Variants in GFI1B observed in about 807,000 individuals in gnomAD.
GFI1B encodes the protein zinc finger protein Gfi-1b.
A neutral mutation model predicts 35.3 loss-of-function variants in GFI1B; 20 were observed. The observed-to-expected ratio is 0.57, with a 90% CI of 0.40 to 0.82. The LOEUF (loss-of-function observed/expected upper bound fraction) is 0.82, where lower values mean the gene tolerates loss of function less well. Ranked by LOEUF, GFI1B falls within the 40% of genes least tolerant of loss-of-function variation. GFI1B has a pLI of 0.00. For missense variants in GFI1B, 430 were observed against 446.3 expected, an observed-to-expected ratio of 0.96 and a Z score of 0.33; for synonymous variants, 178 against 177.6, an observed-to-expected ratio of 1.00 and a Z score of -0.02.
At chr9:132,960,342 G>A (rs1028793020) in intron 1 of GFI1B, among the ~76,000 whole-genome samples, 5 of 152,176 alleles carry the variant, frequency 3.3e-5, no homozygotes, top group African/African-American at 1.2e-4. Flanking sequence ...GGCAAGAAAA[G>A]TCATGTATGA....
chr9:132,983,137 T>C (rs1363592872), intron 1 of GFI1B, among the ~76,000 whole-genome samples: 1 of 151,878 alleles, frequency 6.6e-6, no homozygotes, highest in Non-Finnish European at 1.5e-5. Context: ...CATGTGGGTC[T>C]TTTAGGAGCC....
upstream of GFI1B, among the ~76,000 whole-genome samples, chr9:132,974,461 G>A (rs1848589477): frequency 6.6e-6 from 1 of 151,922 alleles, no homozygotes; most frequent in Non-Finnish European, 1.5e-5. Flanking sequence ...AATTAGCCAG[G>A]CTTGGTGGCG....
intron 1 of GFI1B, among the ~76,000 whole-genome samples, chr9:132,986,082 C>T (rs547306863): frequency 2.6e-5 from 4 of 152,234 alleles, no homozygotes; most frequent in South Asian, 2.1e-4. Context: ...TTGTAGCTGC[C>T]GTAACAAAAT....
chr9:132,988,365 G>T lies in GFI1B; in HGVS notation c.407G>T (p.Ser136Ile), dbSNP rs1849159090. 1 of 1,614,142 alleles carries T rather than the reference G, an allele frequency of 6.2e-7. No individual in the cohort carries two copies. The highest frequency in any genetic ancestry group is 8.5e-7 in the Non-Finnish European group (1 of 1,179,990). The stretch of plus-strand genomic sequence containing the variant: ...TCAGCCTTCCTGGAGCACTCCGTCA[G>T]CCTGTACGGCAGTCCTCTTGTGCCC... ...MQSAFLEHSV[S>I]LYGSPLVPST... The change falls in exon 4 of 7, where the codon AGC becomes ATC. Residue 136 changes from serine (S) to isoleucine (I), a missense_variant. Ser to Ile is a moderately radical substitution (Grantham distance 142, BLOSUM62 -2). Coordinates refer to ENST00000372122, the MANE Select transcript of GFI1B (RefSeq NM_001377304.1).
At position 132,990,902 on chromosome 9, in the gene GFI1B, G is replaced by T. The variant is rs753669252; in HGVS notation, c.845G>T (p.Gly282Val). Residue 282 changes from glycine to valine, a missense_variant, in exon 7 of 7, where the codon GGA becomes GTA. Physicochemically the swap from Gly to Val is moderately radical, Grantham distance 109. Coordinates refer to ENST00000372122, the MANE Select transcript of GFI1B (RefSeq NM_001377304.1). ...GEKPHKCQVC[G>V]KAFSQSSNLI... The stretch of plus-strand genomic sequence containing the variant: ...AAGCCGCACAAGTGCCAGGTGTGCG[G>T]AAAGGCCTTCAGCCAGAGCTCCAAC... The T allele has an allele frequency of 6.2e-7, 1 of 1,614,096 alleles. No homozygotes were observed. Among genetic ancestry groups the T allele is most frequent in the African/African-American group, 1.3e-5 (1 of 74,956 alleles).
intron 6 of GFI1B, 78 bp from the exon 7 acceptor site, chr9:132,990,794 G>T: frequency 9.8e-6 from 13 of 1,331,934 alleles, no homozygotes; most frequent in South Asian, 1.2e-5. Context: ...ATGAACCCGG[G>T]GGCAGGGCAG....
At chr9:132,947,297 A>G (rs931758624) in intron 1 of GFI1B, 44 of 152,118 alleles carry the variant, frequency 2.9e-4, no homozygotes, top group African/African-American at 1.0e-3. Context: ...TCACAATCAC[A>G]GTACCAGCCC....
At chr9:132,975,777 C>A (rs1474730912), upstream of GFI1B, among the ~76,000 whole-genome samples, 2 of 152,194 alleles carry the variant, frequency 1.3e-5, no homozygotes, top group Non-Finnish European at 2.9e-5. Context: ...CATGGGAATG[C>A]GGAAGCGATT....
At chr9:132,957,759 A>G (rs957480889) in intron 1 of GFI1B, among the ~76,000 whole-genome samples, 1 of 151,984 alleles carries the variant, frequency 6.6e-6, no homozygotes, top group Non-Finnish European at 1.5e-5. Flanking sequence ...GAAAGCAGGA[A>G]CACGTGTAAT....
chr9:132,957,809 A>C (rs138837658), intron 1 of GFI1B, among the ~76,000 whole-genome samples: 35 of 152,350 alleles, frequency 2.3e-4, no homozygotes, highest in Admixed American at 3.3e-4. Flanking sequence ...CTGAGAAGCA[A>C]CTAGCATGGC....
intron 1 of GFI1B, among the ~76,000 whole-genome samples, chr9:132,971,628 AAG>A (rs1491159227): frequency 6.6e-6 from 1 of 152,200 alleles, no homozygotes; most frequent in Non-Finnish European, 1.5e-5. Context: ...AAAAGAGGGC[AAG>A]AGAGACAGAA....
chr9:132,967,123 C>G (rs1193190752), intron 1 of GFI1B, among the ~76,000 whole-genome samples: 3 of 152,084 alleles, frequency 2.0e-5, no homozygotes, highest in Non-Finnish European at 2.9e-5. Flanking sequence ...AAGTTCAGCC[C>G]CCACCTGTAC....
chr9:132,965,630 G>A (rs973290524), intron 1 of GFI1B, among the ~76,000 whole-genome samples: 1 of 152,184 alleles, frequency 6.6e-6, no homozygotes, highest in South Asian at 2.1e-4. Flanking sequence ...GGAGTGGGAG[G>A]CCCCATGAAG....
At chr9:132,957,887 G>A (rs912839003) in intron 1 of GFI1B, among the ~76,000 whole-genome samples, 2 of 152,176 alleles carry the variant, frequency 1.3e-5, no homozygotes, top group African/African-American at 2.4e-5. Context: ...AACATGCATT[G>A]AGTACCGAAC....
chr9:132,949,347 A>G (rs886518355), intron 1 of GFI1B, among the ~76,000 whole-genome samples: 4 of 151,708 alleles, frequency 2.6e-5, no homozygotes, highest in African/African-American at 9.7e-5. Flanking sequence ...ACACATACAC[A>G]CACACACACA....
intron 1 of GFI1B, among the ~76,000 whole-genome samples, chr9:132,983,751 C>T (rs1022232161): frequency 6.6e-6 from 1 of 152,230 alleles, no homozygotes; most frequent in South Asian, 2.1e-4. Flanking sequence ...CCTAGCACGT[C>T]GGCTCCACTC....
rs1848532051 is a variant in GFI1B, at chr9:132,971,551, T to C, written c.-700-1174T>C. ...AAAGCAAAGGGTCAATGTGGATTAA[T>C]TTGAATTGAAAACATTATAAACACA... On this transcript the variant is annotated intron_variant, in intron 1 of 10. Transcript: ENST00000339463. Among the ~76,000 whole-genome samples the C allele has an allele frequency of 4.6e-5, 7 of 152,072 alleles. No homozygotes were observed. In the South Asian group the frequency reaches 1.4e-3, roughly 31 times the overall value.
chr9:132,990,125 C>T (rs1488849842), intron 6 of GFI1B, among the ~76,000 whole-genome samples: 1 of 152,268 alleles, frequency 6.6e-6, no homozygotes, highest in Admixed American at 6.5e-5. Context: ...CACTGTTGAT[C>T]TCATGGCAGA....
chr9:132,954,584 A>G (rs1331361354), intron 1 of GFI1B, among the ~76,000 whole-genome samples: 1 of 141,460 alleles, frequency 7.1e-6, no homozygotes, highest in African/African-American at 3.1e-5. Flanking sequence ...CAAAAAAAAA[A>G]AAAAAGAAAA....
Sources: gnomAD v4.1 joint callset for allele counts (sites outside exome capture counted in the v4.1 genomes callset) on GRCh38, gnomAD v4.1.1 for gene constraint, MANE v1.5 for transcripts, NCBI Gene and HGNC (gene_info 2026-07-23, HGNC 2026-07-21) for gene names.